ATP2B2: variants seen among roughly 807,000 people sequenced by gnomAD.
The protein encoded by ATP2B2 is ATPase plasma membrane Ca2+ transporting 2.
Under a neutral mutation model 120.0 loss-of-function variants are expected in ATP2B2, and 15 were observed. The ratio of observed to expected loss-of-function variants is 0.12; its 90% CI spans 0.08 to 0.19. ATP2B2 has a LOEUF of 0.19. Among genes scored for constraint, ATP2B2 ranks in the 10% least tolerant of loss-of-function variants. The pLI is 1.00. For synonymous variants in ATP2B2, 694 were observed against 700.3 expected, an observed-to-expected ratio of 0.99 and a Z score of 0.14; for missense variants, 1,045 against 1,719.8, an observed-to-expected ratio of 0.61 and a Z score of 6.94.
At chr3:10,627,697 G>A (rs1433282774) in intron 1 of ATP2B2, among the ~76,000 whole-genome samples, 1 of 152,128 alleles carries the variant, frequency 6.6e-6, no homozygotes, top group East Asian at 1.9e-4. Flanking sequence ...TCTTCATTAC[G>A]AATTTCTCCA....
intron 1 of ATP2B2, among the ~76,000 whole-genome samples, chr3:10,460,013 G>A (rs777649645): frequency 1.1e-4 from 17 of 152,180 alleles, no homozygotes; most frequent in Admixed American, 2.6e-4. Context: ...GTTCTTCTGC[G>A]GTCAGTATTC....
At chr3:10,469,517 C>G (rs1219630861) in intron 1 of ATP2B2, among the ~76,000 whole-genome samples, 2 of 152,250 alleles carry the variant, frequency 1.3e-5, no homozygotes, top group Admixed American at 6.5e-5. Flanking sequence ...TGCAAAGAGC[C>G]CTGGAAGCTC....
intron 8 of ATP2B2, 119 bp from the exon 9 acceptor site, chr3:10,379,403 G>C (rs890853391): frequency 8.7e-7 from 1 of 1,146,804 alleles, no homozygotes; most frequent in Non-Finnish European, 1.3e-6. Context: ...CGTGCTGACT[G>C]CATCCCTCTG....
chr3:10,441,827 T>G, intron 2 of ATP2B2, among the ~76,000 whole-genome samples: 1 of 152,160 alleles, frequency 6.6e-6, no homozygotes, highest in Non-Finnish European at 1.5e-5. Context: ...GTTCCATCAG[T>G]TCTAGGAGGT....
At chr3:10,409,945 G>A (rs2062550626) in intron 3 of ATP2B2, among the ~76,000 whole-genome samples, 1 of 152,174 alleles carries the variant, frequency 6.6e-6, no homozygotes, top group Non-Finnish European at 1.5e-5. Flanking sequence ...AGCCTGCACA[G>A]ATGTCAGGGT....
chr3:10,362,053 A>G (rs2060915057), intron 12 of ATP2B2, among the ~76,000 whole-genome samples: 1 of 152,236 alleles, frequency 6.6e-6, no homozygotes, highest in Non-Finnish European at 1.5e-5. Context: ...TAACATTGAG[A>G]CAGGTGACTC....
chr3:10,642,609 T>G (rs2070203812), intron 1 of ATP2B2, among the ~76,000 whole-genome samples: 1 of 152,078 alleles, frequency 6.6e-6, no homozygotes, highest in African/African-American at 2.4e-5. Flanking sequence ...AATCATCCAT[T>G]TCTATGTTTA....
intron 1 of ATP2B2, among the ~76,000 whole-genome samples, chr3:10,467,897 C>T (rs756726725): frequency 9.9e-5 from 15 of 152,178 alleles, no homozygotes; most frequent in Non-Finnish European, 1.8e-4. Flanking sequence ...ATCCCGCTCT[C>T]CCCTGATCCC....
chr3:10,351,126 T>C (rs527456065), intron 14 of ATP2B2, among the ~76,000 whole-genome samples: 6 of 152,356 alleles, frequency 3.9e-5, no homozygotes, highest in African/African-American at 1.4e-4. Flanking sequence ...AAATACGCCA[T>C]TTCTCTGCAA....
chr3:10,451,294 G>C (rs988803519), intron 1 of ATP2B2, among the ~76,000 whole-genome samples: 4 of 152,208 alleles, frequency 2.6e-5, no homozygotes, highest in African/African-American at 9.7e-5. Context: ...GACTGTGCCA[G>C]GCAGCCGCTA....
intron 1 of ATP2B2, among the ~76,000 whole-genome samples, chr3:10,673,806 C>CAAA (rs549651187): frequency 0.022 from 1,629 of 73,244 alleles, 55 homozygotes; most frequent in South Asian, 0.072. Flanking sequence ...GACCCTGTTT[C>CAAA]AAAAAAAAAA....
At chr3:10,349,297 TA>T (rs575514918) in intron 16 of ATP2B2, among the ~76,000 whole-genome samples, 2 of 151,482 alleles carry the variant, frequency 1.3e-5, no homozygotes, top group Non-Finnish European at 2.9e-5. Context: ...TATAAAGAAT[TA>T]AAAAAAATTA....
chr3:10,385,034 C>T (rs946570741), intron 8 of ATP2B2, among the ~76,000 whole-genome samples: 3 of 152,204 alleles, frequency 2.0e-5, no homozygotes, highest in African/African-American at 4.8e-5. Flanking sequence ...GTCAAGGGCT[C>T]GACAGGAGCC....
intron 2 of ATP2B2, among the ~76,000 whole-genome samples, chr3:10,427,131 G>A (rs1195587824): frequency 1.3e-5 from 2 of 152,198 alleles, no homozygotes; most frequent in Middle Eastern, 3.4e-3. Context: ...AAGGAAATAG[G>A]GATAAGCAGT....
chr3:10,345,640 C>T, intron 17 of ATP2B2, 65 bp from the exon 18 acceptor site: 1 of 1,471,842 alleles, frequency 6.8e-7, no homozygotes. Context: ...CTAGCATCAC[C>T]ATCCTCACTC....
chr3:10,410,517 C>G, intron 3 of ATP2B2, 101 bp downstream of exon 3: 1 of 1,422,102 alleles, frequency 7.0e-7, no homozygotes, highest in Admixed American at 2.2e-5. Context: ...GGTTTCTTCC[C>G]CTGGGAGGAG....
At chr3:10,378,203 G>A in intron 10 of ATP2B2, 49 bp downstream of exon 10, 1 of 1,588,694 alleles carries the variant, frequency 6.3e-7, no homozygotes, top group Non-Finnish European at 8.5e-7. Context: ...GGCTCTGCCT[G>A]GGGTCCCCCT....
chr3:10,577,011 C>T lies in ATP2B2; in HGVS notation c.-414-42878G>A, dbSNP rs190084764. ...GGAGGTTGCAGTGAGCCAAGATCAC[C>T]ACTGCACTCCAGCCTGGGTGACAGA... On this transcript the variant is annotated intron_variant, in intron 2 of 21. Transcript: ENST00000646379. Among the ~76,000 whole-genome samples, 6 of 147,804 alleles carry T rather than the reference C, an allele frequency of 4.1e-5. No homozygotes were observed. The East Asian group carries it at 8.0e-4, about 20-fold the overall frequency.
At chr3:10,588,295 T>C (rs1312899149) in intron 2 of ATP2B2, among the ~76,000 whole-genome samples, 1 of 152,122 alleles carries the variant, frequency 6.6e-6, no homozygotes, top group East Asian at 1.9e-4. Context: ...TCCCTAGGGG[T>C]AAGGGTGGGC....
Sources: gnomAD v4.1 joint callset for allele counts (sites outside exome capture counted in the v4.1 genomes callset) on GRCh38, gnomAD v4.1.1 for gene constraint, MANE v1.5 for transcripts, NCBI Gene and HGNC (gene_info 2026-07-23, HGNC 2026-07-21) for gene names.